Variants in CAPZB observed in about 807,000 individuals in gnomAD.
CAPZB encodes the protein F-actin-capping protein subunit beta.
Under a neutral mutation model 38.1 loss-of-function variants are expected in CAPZB, and 2 were observed. The ratio of observed to expected loss-of-function variants is 0.05; its 90% CI spans 0.02 to 0.17. CAPZB has a LOEUF of 0.17. CAPZB is among the 10% of genes least tolerant of loss of function. CAPZB has a pLI of 1.00. For synonymous variants in CAPZB, 107 were observed against 127.4 expected, an observed-to-expected ratio of 0.84 and a Z score of 1.08; for missense variants, 161 against 334.2, an observed-to-expected ratio of 0.48 and a Z score of 4.04.
Position 19,339,668 on chromosome 1 carries a change from C to T in CAPZB, c.732-51G>A, listed in dbSNP as rs1280064688. On this transcript the variant is annotated intron_variant, in intron 8 of 8. Coordinates refer to ENST00000264202, the MANE Select transcript of CAPZB (RefSeq NM_004930.5). ...GCAGATTGAACAGGGACTGGTGAGG[C>T]GGTGGAGGCCTGGGGGCCACCATGC... 6 of 1,376,508 alleles carry T rather than the reference C, an allele frequency of 4.4e-6. No individual in the cohort carries two copies. The East Asian group carries it at 6.9e-5, about 16-fold the overall frequency. 85.3% of individuals were successfully genotyped at this position (1,376,508 alleles called of 1,614,324 possible).
chr1:19,438,538 C>G (rs1040965698), intron 1 of CAPZB, among the ~76,000 whole-genome samples: 8 of 152,126 alleles, frequency 5.3e-5, no homozygotes, highest in Admixed American at 6.5e-5. Flanking sequence ...GTCTTAGTGC[C>G]GAGGAGTGGA....
Position 19,350,861 on chromosome 1 carries a change from G to A in CAPZB, c.589-5609C>T, listed in dbSNP as rs1405054319. ...TCAAACTCTCGAGCTCAAGTGATCT[G>A]CCTGCCTTGGCCTCCCAGTGTTGGG... On this transcript the variant is annotated intron_variant, in intron 6 of 8. Coordinates refer to ENST00000264202, the MANE Select transcript of CAPZB (RefSeq NM_004930.5). Among the ~76,000 whole-genome samples the A allele has an allele frequency of 2.0e-5, 3 of 152,274 alleles. No individual in the cohort carries two copies. The East Asian group carries it at 5.8e-4, about 29-fold the overall frequency.
intron 3 of CAPZB, among the ~76,000 whole-genome samples, chr1:19,382,214 G>A (rs1001850460): frequency 6.6e-6 from 1 of 152,160 alleles, no homozygotes; most frequent in Non-Finnish European, 1.5e-5. Flanking sequence ...GCTCACAGAC[G>A]ATAGCATTTC....
intron 1 of CAPZB, among the ~76,000 whole-genome samples, chr1:19,460,081 C>T (rs1332740343): frequency 2.6e-5 from 4 of 152,232 alleles, no homozygotes; most frequent in African/African-American, 9.6e-5. Flanking sequence ...CGAAAAAAAA[C>T]TGTATGCTGA....
At chr1:19,413,459 G>A (rs2094365968) in intron 2 of CAPZB, among the ~76,000 whole-genome samples, 1 of 152,144 alleles carries the variant, frequency 6.6e-6, no homozygotes, top group African/African-American at 2.4e-5. Context: ...CCAGCTTCCT[G>A]GGTAACTGGG....
At chr1:19,387,836 CA>C (rs1473100654) in intron 2 of CAPZB, among the ~76,000 whole-genome samples, 1 of 152,254 alleles carries the variant, frequency 6.6e-6, no homozygotes, top group Admixed American at 6.5e-5. Flanking sequence ...TGACACAATG[CA>C]TTCCGTGTTC....
At chr1:19,364,931 C>T (rs772759437) in intron 4 of CAPZB, among the ~76,000 whole-genome samples, 8 of 151,874 alleles carry the variant, frequency 5.3e-5, no homozygotes, top group South Asian at 2.1e-4. Flanking sequence ...ATTGCAGCCT[C>T]GACATTCTGG....
intron 4 of CAPZB, among the ~76,000 whole-genome samples, chr1:19,358,868 C>T (rs1239894123): frequency 6.6e-6 from 1 of 152,164 alleles, no homozygotes; most frequent in Non-Finnish European, 1.5e-5. Flanking sequence ...GGAAGGTGGG[C>T]CGCAGAGTGC....
At chr1:19,449,548 G>A (rs2094507607) in intron 1 of CAPZB, among the ~76,000 whole-genome samples, 1 of 152,136 alleles carries the variant, frequency 6.6e-6, no homozygotes, top group African/African-American at 2.4e-5. Context: ...GGCACTTTGG[G>A]AAGCTGAGAC....
intron 2 of CAPZB, among the ~76,000 whole-genome samples, chr1:19,389,045 G>C (rs1230240321): frequency 6.6e-6 from 1 of 152,100 alleles, no homozygotes; most frequent in Non-Finnish European, 1.5e-5. Flanking sequence ...TTCCATCAGC[G>C]CTGTTTCTTT....
At chr1:19,484,410 G>A (rs1195532841) in intron 1 of CAPZB, 2 of 1,524,408 alleles carry the variant, frequency 1.3e-6, no homozygotes, top group Non-Finnish European at 1.8e-6. Context: ...CTCAGGCCCG[G>A]GCGCCGTGGA....
intron 4 of CAPZB, among the ~76,000 whole-genome samples, chr1:19,365,720 G>C (rs1182284819): frequency 5.9e-5 from 9 of 152,128 alleles, no homozygotes; most frequent in Non-Finnish European, 1.3e-4. Context: ...TGTAATCCCA[G>C]CGACTTGGGA....
At chr1:19,377,539 C>G (rs2094150215) in intron 4 of CAPZB, among the ~76,000 whole-genome samples, 2 of 152,202 alleles carry the variant, frequency 1.3e-5, no homozygotes, top group Admixed American at 1.3e-4. Flanking sequence ...CCTCAAAGCT[C>G]AAGAGGTGAA....
chr1:19,484,195 C>A, intron 1 of CAPZB: 1 of 1,612,052 alleles, frequency 6.2e-7, no homozygotes, highest in South Asian at 1.1e-5. Context: ...CTCACCTGAT[C>A]CGAGGGACTT....
At chr1:19,355,559 A>G (rs1256768593) in intron 6 of CAPZB, among the ~76,000 whole-genome samples, 1 of 152,060 alleles carries the variant, frequency 6.6e-6, no homozygotes, top group Non-Finnish European at 1.5e-5. Context: ...ATCCACAGCT[A>G]TTGAGAGCAT....
intron 1 of CAPZB, among the ~76,000 whole-genome samples, chr1:19,436,610 G>A (rs899387528): frequency 1.3e-5 from 2 of 152,180 alleles, no homozygotes; most frequent in Admixed American, 6.5e-5. Flanking sequence ...AGCATATAGG[G>A]TTCGATATTA....
intron 1 of CAPZB, among the ~76,000 whole-genome samples, chr1:19,420,486 G>C (rs1484431645): frequency 1.3e-5 from 2 of 151,900 alleles, no homozygotes; most frequent in Non-Finnish European, 2.9e-5. Flanking sequence ...GCATGATCTT[G>C]GCTCCCTACA....
intron 1 of CAPZB, among the ~76,000 whole-genome samples, chr1:19,455,165 G>C (rs182077118): frequency 6.6e-6 from 1 of 152,196 alleles, no homozygotes; most frequent in Non-Finnish European, 1.5e-5. Flanking sequence ...CTCCCGTCCC[G>C]GGAGCAGGCA....
At chr1:19,483,132 C>G (rs1227676841) in intron 1 of CAPZB, among the ~76,000 whole-genome samples, 1 of 152,200 alleles carries the variant, frequency 6.6e-6, no homozygotes, top group African/African-American at 2.4e-5. Context: ...CTAAATATGC[C>G]TGTATCACCA....
Sources: gnomAD v4.1 joint callset for allele counts (sites outside exome capture counted in the v4.1 genomes callset) on GRCh38, gnomAD v4.1.1 for gene constraint, MANE v1.5 for transcripts, NCBI Gene and HGNC (gene_info 2026-07-23, HGNC 2026-07-21) for gene names.